Variants in STX11 observed in about 807,000 individuals in gnomAD.
STX11 encodes syntaxin-11.
Under a neutral mutation model 19.9 loss-of-function variants are expected in STX11, and 21 were observed. The observed-to-expected ratio is 1.06, with a 90% CI of 0.75 to 1.52. The LOEUF is 1.52. STX11 is among the 40% of genes most tolerant of loss of function. The probability of loss-of-function intolerance (pLI) is 0.00; values close to 1 mark genes in which losing one functional copy is unlikely to be tolerated. For missense variants in STX11, 438 were observed against 405.9 expected, an observed-to-expected ratio of 1.08 and a Z score of -0.68; for synonymous variants, 193 against 174.4, an observed-to-expected ratio of 1.11 and a Z score of -0.84.
Position 144,189,792 on chromosome 6 carries a change from A to C in STX11, c.*2301A>C, listed in dbSNP as rs961066494. Among the ~76,000 whole-genome samples the C allele has an allele frequency of 1.1e-4, 16 of 152,280 alleles. No individual in the cohort carries two copies. The Middle Eastern group carries it at 0.01, about 97-fold the overall frequency. On this transcript the variant is annotated 3_prime_UTR_variant, in exon 2 of 2. Transcript: ENST00000367568. The stretch of plus-strand genomic sequence containing the variant: ...ACAAGGCTATTCTCATATTTCTCCC[A>C]ATTTCTTTTTCAGCCAACTCCAAGG...
rs781537476 is a variant in STX11, at chr6:144,187,154, A to G, written c.527A>G (p.Gln176Arg). ...ATGGGCAAGGAAGTCTCGGGCGACC[A>G]GATCGAGGACATGTTCGAGCAGGGT... ...EIMGKEVSGD[Q>R]IEDMFEQGKW... The change falls in exon 2 of 2, where the codon CAG (glutamine) becomes CGG (arginine). Residue 176 changes from glutamine (Q) to arginine (R), a missense_variant. Coordinates refer to ENST00000367568, the MANE Select transcript of STX11 (RefSeq NM_003764.4). The surrounding 1 kb of genome is among the most constrained non-coding windows in gnomAD (Gnocchi z 5.6). 2.9e-5 allele frequency: 47 copies of G among 1,613,872 alleles called. No homozygotes were observed. The South Asian group carries it at 3.8e-4, about 13-fold the overall frequency.
chr6:144,140,362 C>T, the STX11 span, among the ~76,000 whole-genome samples: 1 of 151,160 alleles, frequency 6.6e-6, no homozygotes, highest in Admixed American at 6.6e-5. Flanking sequence ...TCAAGCGATT[C>T]TCCTGCCTCA....
chr6:144,166,039 G>GT (rs1562660700), intron 1 of STX11, among the ~76,000 whole-genome samples: 1 of 152,212 alleles, frequency 6.6e-6, no homozygotes, highest in Non-Finnish European at 1.5e-5. Flanking sequence ...AGCCGTAGGA[G>GT]TATCTACCCT....
Position 144,154,108 on chromosome 6 carries a change from G to A in STX11, c.-6+3405G>A, listed in dbSNP as rs189613626. 3.3e-5 allele frequency among the ~76,000 whole-genome samples: 5 copies of A among 152,350 alleles called. 1 individual carries two copies. The highest frequency in any genetic ancestry group is 6.8e-3 in the Middle Eastern group (2 of 294). ...TGCTTTGACTGGTGAAGAAAGTGCA[G>A]TGTTAGTAACTGACAGAGCCAGAAA... On this transcript the variant is annotated intron_variant, in intron 1 of 1. Transcript: ENST00000367568. The surrounding 1 kb of genome is among the most constrained non-coding windows in gnomAD (Gnocchi z 4.7).
intron 1 of STX11, among the ~76,000 whole-genome samples, chr6:144,158,727 C>G (rs1473715648): frequency 6.6e-6 from 1 of 152,178 alleles, no homozygotes; most frequent in Admixed American, 6.5e-5. Flanking sequence ...AGATAACTTA[C>G]AGGAGAATGT....
In STX11 at chr6:144,165,324, G is replaced by A. The variant is rs1801449069; in HGVS notation, c.-6+14621G>A. On this transcript the variant is annotated intron_variant, in intron 1 of 1. Transcript: ENST00000367568. This position sits in a 1 kb window ranked among gnomAD's most constrained non-coding sequence, Gnocchi z 5.8. ...TACAAAATTAGCGGGGCGTGGTGGT[G>A]CATGTCTGTAATCCCAGCTACTCGG... is the stretch of plus-strand genomic sequence containing the variant. 6.6e-6 allele frequency among the ~76,000 whole-genome samples: 1 copy of A among 152,000 alleles called. No homozygotes were observed.
the STX11 span, chr6:144,140,834 T>C: frequency 5.1e-6 from 5 of 976,812 alleles, no homozygotes; most frequent in African/African-American, 7.0e-5. Flanking sequence ...CATGGAAGTA[T>C]AGAGTTTCTA....
chr6:144,178,852 A>T (rs943259466), intron 1 of STX11, among the ~76,000 whole-genome samples: 11 of 141,362 alleles, frequency 7.8e-5, no homozygotes, highest in Non-Finnish European at 3.1e-5. Flanking sequence ...TTTTTTTTTT[A>T]AATTAACTTC....
chr6:144,141,471 A>G, the STX11 span, among the ~76,000 whole-genome samples: 3 of 152,228 alleles, frequency 2.0e-5, no homozygotes, highest in African/African-American at 7.2e-5. Context: ...TTGGCGTATC[A>G]AGCTTGGAAA....
chr6:144,151,297 G>T lies in STX11; in HGVS notation c.-6+594G>T. ...CCACGCCGTCCTGAGAGGGAATTCT[G>T]CCTTTTTCTAGACTCCGCTGACACC... is the stretch of plus-strand genomic sequence containing the variant. On this transcript the variant is annotated intron_variant, in intron 1 of 1. Transcript: ENST00000367568. The surrounding 1 kb of genome is among the most constrained non-coding windows in gnomAD (Gnocchi z 4.6). 9.1e-6 allele frequency: 9 copies of T among 985,410 alleles called. No homozygotes were observed. Among genetic ancestry groups the T allele is most frequent in the Non-Finnish European group, 1.1e-5 (9 of 829,926 alleles). The allele number at this position is 985,410 out of a possible 1,614,324, so 61.0% of individuals were successfully genotyped here. A position where few individuals can be genotyped will look rare whatever the true frequency, so the allele number is the denominator to read the frequency against.
At position 144,189,656 on chromosome 6, in the gene STX11, T is replaced by G. The variant is rs1802165322; in HGVS notation, c.*2165T>G. Among the ~76,000 whole-genome samples, 2 of 152,346 alleles carry G rather than the reference T, an allele frequency of 1.3e-5. 1 individual carries two copies. Among genetic ancestry groups the G allele is most frequent in the Middle Eastern group, 6.8e-3 (2 of 294 alleles). ...TTTAAAAGAATTAGAAGGAGGAGTATGTGAATTCTTTGGAGCTCACTGCCT... is the reference window on the plus strand; with the variant it reads ...TTTAAAAGAATTAGAAGGAGGAGTAGGTGAATTCTTTGGAGCTCACTGCCT... On this transcript the variant is annotated 3_prime_UTR_variant, in exon 2 of 2. Coordinates refer to ENST00000367568, the MANE Select transcript of STX11 (RefSeq NM_003764.4).
At chr6:144,148,011 A>G (rs1482450888), upstream of STX11, among the ~76,000 whole-genome samples, 1 of 152,246 alleles carries the variant, frequency 6.6e-6, no homozygotes, top group Non-Finnish European at 1.5e-5. Context: ...GACACATCAA[A>G]TTAACCATCA....
In STX11 at chr6:144,176,222, G is replaced by A. The variant is rs1472303058; in HGVS notation, c.-5-10401G>A. On this transcript the variant is annotated intron_variant, in intron 1 of 1. Transcript: ENST00000367568. The surrounding 1 kb of genome is among the most constrained non-coding windows in gnomAD (Gnocchi z 4.1). ...CGACCTAGTACCTCCCCACACTAGC[G>A]CCTCCCACCCTAACTCCCCCAACAG... is the stretch of plus-strand genomic sequence containing the variant. Among the ~76,000 whole-genome samples, 2 of 151,946 alleles carry A rather than the reference G, an allele frequency of 1.3e-5. No individual in the cohort carries two copies. The highest frequency in any genetic ancestry group is 1.9e-4 in the East Asian group (1 of 5,194).
chr6:144,144,277 C>G, the STX11 span, among the ~76,000 whole-genome samples: 51,834 of 151,696 alleles, frequency 0.34, 8,984 homozygotes, highest in South Asian at 0.46. Flanking sequence ...AATCACAGAG[C>G]TAATAAAGAG....
rs1801987024 is a variant in STX11, at chr6:144,184,826, T to C, written c.-5-1797T>C. Among the ~76,000 whole-genome samples, 1 of 152,264 alleles carries C rather than the reference T, an allele frequency of 6.6e-6. No homozygotes were observed. The highest frequency in any genetic ancestry group is 2.1e-4 in the South Asian group (1 of 4,834). On this transcript the variant is annotated intron_variant, in intron 1 of 1. Coordinates refer to ENST00000367568, the MANE Select transcript of STX11 (RefSeq NM_003764.4). The surrounding 1 kb of genome is among the most constrained non-coding windows in gnomAD (Gnocchi z 6.5). ...ATCTTCTCTGAATTGCTTCACTGTC[T>C]TTGGGTAAGTAGATTTTTTGGTAGC...
In STX11 at chr6:144,176,300, T is replaced by A. The variant is rs553115124; in HGVS notation, c.-5-10323T>A. Among the ~76,000 whole-genome samples the A allele has an allele frequency of 6.6e-6, 1 of 152,308 alleles. No homozygotes were observed. Among genetic ancestry groups the A allele is most frequent in the South Asian group, 2.1e-4 (1 of 4,828 alleles). On this transcript the variant is annotated intron_variant, in intron 1 of 1. Coordinates refer to ENST00000367568, the MANE Select transcript of STX11 (RefSeq NM_003764.4). The surrounding 1 kb of genome is among the most constrained non-coding windows in gnomAD (Gnocchi z 4.1). ...CATGAACTCAGGACCTGGACAGATG[T>A]GAGTTTAAATCCCAGACTTCTCTCT...
Position 144,172,829 on chromosome 6 carries a change from C to T in STX11, c.-5-13794C>T, listed in dbSNP as rs1801674873. 6.6e-6 allele frequency among the ~76,000 whole-genome samples: 1 copy of T among 151,770 alleles called. No homozygotes were observed. The highest frequency in any genetic ancestry group is 2.1e-4 in the South Asian group (1 of 4,830). ...ATGAACAGGCTGTCTTTCCCATACACATCCAACATATAATGATGAGATAGG... is the reference window on the plus strand; with the variant it reads ...ATGAACAGGCTGTCTTTCCCATACATATCCAACATATAATGATGAGATAGG... On this transcript the variant is annotated intron_variant, in intron 1 of 1. Coordinates refer to ENST00000367568, the MANE Select transcript of STX11 (RefSeq NM_003764.4). This position sits in a 1 kb window ranked among gnomAD's most constrained non-coding sequence, Gnocchi z 4.2.
intron 1 of STX11, among the ~76,000 whole-genome samples, 183 bp downstream of exon 1, chr6:144,150,886 A>C (rs1800989125): frequency 6.6e-6 from 1 of 152,034 alleles, no homozygotes; most frequent in Non-Finnish European, 1.5e-5. Flanking sequence ...CTTCGGAAAC[A>C]CAGCATTGGG....
In STX11 at chr6:144,169,414, A is replaced by G. The variant is rs1801568111; in HGVS notation, c.-5-17209A>G. On this transcript the variant is annotated intron_variant, in intron 1 of 1. Coordinates refer to ENST00000367568, the MANE Select transcript of STX11 (RefSeq NM_003764.4). This position sits in a 1 kb window ranked among gnomAD's most constrained non-coding sequence, Gnocchi z 5.2. ...ATCACCACACATCTTTGAAAATTTG[A>G]TGCTGTGTCTTTTCTAAAATTTCCG... Among the ~76,000 whole-genome samples the G allele has an allele frequency of 6.6e-6, 1 of 152,138 alleles. No homozygotes were observed. Among genetic ancestry groups the G allele is most frequent in the Admixed American group, 6.6e-5 (1 of 15,262 alleles).
Sources: allele counts gnomAD v4.1 joint callset (sites outside exome capture counted in the v4.1 genomes callset), GRCh38; gene constraint gnomAD v4.1.1; non-coding constraint Gnocchi (gnomAD v3.1); transcripts MANE v1.5; gene names NCBI Gene and HGNC (gene_info 2026-07-23, HGNC 2026-07-21).